Variants in PPP2R2B observed in about 807,000 individuals in gnomAD.
PPP2R2B encodes the protein serine/threonine-protein phosphatase 2A 55 kDa regulatory subunit B beta isoform.
A neutral mutation model predicts 46.0 loss-of-function variants in PPP2R2B; 5 were observed. The observed-to-expected ratio is 0.11, with a 90% CI of 0.06 to 0.23. PPP2R2B has a LOEUF of 0.23. Among genes scored for constraint, PPP2R2B ranks in the 10% least tolerant of loss-of-function variants. The pLI, the probability that PPP2R2B is intolerant of heterozygous loss-of-function variation, is 1.00. For missense variants in PPP2R2B, 367 were observed against 575.0 expected (o/e 0.64, Z 3.70); for synonymous variants, 215 against 206.7 (o/e 1.04, Z -0.34).
In PPP2R2B at chr5:146,588,273, C is replaced by G. The variant is rs1193114997; in HGVS notation, c.*1674G>C. Reference sequence around the variant, plus strand: ...GTTCCTGAAATTGGGCTGCATCTAACAAGACTGTTTTTACCTAAGGTGACA... The same window carrying G: ...GTTCCTGAAATTGGGCTGCATCTAAGAAGACTGTTTTTACCTAAGGTGACA... On this transcript the variant is annotated 3_prime_UTR_variant, in exon 10 of 10. Transcript: ENST00000394411. The G allele has an allele frequency of 6.6e-6, 1 of 152,192 alleles. No homozygotes were observed. Among genetic ancestry groups the G allele is most frequent in the African/African-American group, 2.4e-5 (1 of 41,460 alleles). 9.4% of individuals were successfully genotyped at this position (152,192 alleles called of 1,614,324 possible).
At chr5:146,637,929 TC>T (rs1774927753) in intron 7 of PPP2R2B, among the ~76,000 whole-genome samples, 1 of 152,168 alleles carries the variant, frequency 6.6e-6, no homozygotes, top group Non-Finnish European at 1.5e-5. Context: ...TCCTAACTGG[TC>T]CCCCTGCTAT....
chr5:146,708,135 C>T (rs1270269525), intron 2 of PPP2R2B, among the ~76,000 whole-genome samples: 1 of 151,894 alleles, frequency 6.6e-6, no homozygotes, highest in African/African-American at 2.4e-5. Flanking sequence ...GCAGGTGGAT[C>T]CCTTGAGCTC....
intron 1 of PPP2R2B, among the ~76,000 whole-genome samples, chr5:146,887,721 A>G (rs914122792): frequency 1.1e-4 from 16 of 152,232 alleles, no homozygotes; most frequent in African/African-American, 3.9e-4. Flanking sequence ...CTTCAATTCC[A>G]GCTAAGAGAA....
intron 2 of PPP2R2B, among the ~76,000 whole-genome samples, chr5:146,786,849 G>A (rs980931748): frequency 5.3e-5 from 8 of 152,172 alleles, no homozygotes; most frequent in Non-Finnish European, 1.0e-4. Flanking sequence ...GGTGAGGCCT[G>A]TAAAATTTTC....
intron 2 of PPP2R2B, among the ~76,000 whole-genome samples, chr5:146,824,897 G>T (rs1246102100): frequency 6.6e-6 from 1 of 151,874 alleles, no homozygotes; most frequent in Non-Finnish European, 1.5e-5. Context: ...TTTTGTGTGT[G>T]TTTTTAGTAG....
At chr5:146,956,574 A>G (rs189541131) in intron 1 of PPP2R2B, among the ~76,000 whole-genome samples, 2 of 152,332 alleles carry the variant, frequency 1.3e-5, no homozygotes, top group South Asian at 2.1e-4. Flanking sequence ...ATCTCTTTCC[A>G]TAAGTCTCCC....
chr5:146,916,148 ATC>A (rs1763376681), intron 1 of PPP2R2B, among the ~76,000 whole-genome samples: 2 of 152,218 alleles, frequency 1.3e-5, no homozygotes, highest in African/African-American at 4.8e-5. Flanking sequence ...GTACTTAAAT[ATC>A]TGTTTTGAAA....
At chr5:146,596,257 G>A (rs891198756) in intron 8 of PPP2R2B, among the ~76,000 whole-genome samples, 9 of 152,178 alleles carry the variant, frequency 5.9e-5, no homozygotes, top group African/African-American at 1.7e-4. Context: ...TCATACTTAA[G>A]TCTGCAGCCT....
intron 9 of PPP2R2B, 28 bp from the exon 10 acceptor site, chr5:146,590,254 C>CCG (rs199943453): frequency 4.4e-6 from 7 of 1,603,832 alleles, no homozygotes; most frequent in Admixed American, 1.7e-5. Context: ...AAGGCAATGA[C>CCG]ATATCTTCAC....
At chr5:146,798,959 C>G (rs936955727) in intron 2 of PPP2R2B, among the ~76,000 whole-genome samples, 1 of 152,112 alleles carries the variant, frequency 6.6e-6, no homozygotes, top group Admixed American at 6.6e-5. Context: ...ACCAGAGTGA[C>G]TTTGAGAATT....
At chr5:146,856,397 A>G in intron 2 of PPP2R2B, 1 of 843,346 alleles carries the variant, frequency 1.2e-6, no homozygotes, top group Non-Finnish European at 1.9e-6. Context: ...AATGTAAATT[A>G]ACTTGTGTCC....
chr5:146,805,703 AT>A (rs574664342), intron 2 of PPP2R2B, among the ~76,000 whole-genome samples: 210 of 152,244 alleles, frequency 1.4e-3, no homozygotes, highest in Non-Finnish European at 2.0e-3. Flanking sequence ...TAAAAGTGGT[AT>A]TTTACGTAAA....
At chr5:146,912,121 C>T (rs1391108602) in intron 1 of PPP2R2B, among the ~76,000 whole-genome samples, 3 of 151,934 alleles carry the variant, frequency 2.0e-5, no homozygotes, top group Non-Finnish European at 4.4e-5. Flanking sequence ...TGCCTGTAGT[C>T]CCAGCTACTT....
chr5:146,660,646 A>T (rs991162591), intron 5 of PPP2R2B, among the ~76,000 whole-genome samples: 1 of 152,128 alleles, frequency 6.6e-6, no homozygotes, highest in Non-Finnish European at 1.5e-5. Context: ...TAATTTTGAG[A>T]TTTCCCTGCT....
At chr5:146,759,018 A>T (rs1185406647) in intron 2 of PPP2R2B, among the ~76,000 whole-genome samples, 1 of 152,112 alleles carries the variant, frequency 6.6e-6, no homozygotes, top group East Asian at 1.9e-4. Flanking sequence ...TTATCTACAA[A>T]AACTTACTTA....
At chr5:146,813,587 A>C (rs1003477081) in intron 2 of PPP2R2B, among the ~76,000 whole-genome samples, 3 of 152,222 alleles carry the variant, frequency 2.0e-5, no homozygotes, top group African/African-American at 7.2e-5. Flanking sequence ...CCACATGGCA[A>C]GATAATTTTT....
At chr5:146,689,517 G>A (rs966556873) in intron 5 of PPP2R2B, among the ~76,000 whole-genome samples, 2 of 152,124 alleles carry the variant, frequency 1.3e-5, no homozygotes, top group Non-Finnish European at 2.9e-5. Flanking sequence ...GTATATAGTA[G>A]GCTATACCAT....
intron 2 of PPP2R2B, among the ~76,000 whole-genome samples, chr5:146,846,483 G>A (rs574138373): frequency 1.2e-3 from 189 of 151,696 alleles, no homozygotes; most frequent in African/African-American, 4.4e-3. Context: ...TTTGAGACCA[G>A]CCTGACCAAC....
At chr5:146,799,370 T>C (rs1029126605) in intron 2 of PPP2R2B, among the ~76,000 whole-genome samples, 6 of 152,210 alleles carry the variant, frequency 3.9e-5, no homozygotes, top group South Asian at 2.1e-4. Context: ...ATGCCAGTGC[T>C]GTAAGAGTCC....
Sources: allele counts gnomAD v4.1 joint callset (sites outside exome capture counted in the v4.1 genomes callset), GRCh38; gene constraint gnomAD v4.1.1; transcripts MANE v1.5; gene names NCBI Gene and HGNC (gene_info 2026-07-23, HGNC 2026-07-21).